The following MYO9A variants were observed in gnomAD, a reference collection of about 807,000 sequenced individuals.
MYO9A encodes unconventional myosin-IXa.
In MYO9A, 103 loss-of-function variants were observed where a neutral mutation model predicts 293.3. That is an observed-to-expected ratio of 0.35 (90% CI 0.30 to 0.41). The LOEUF (loss-of-function observed/expected upper bound fraction) is 0.41. Ranked by LOEUF, MYO9A falls within the 10% of genes least tolerant of loss-of-function variation. The pLI is 1.00. For synonymous variants in MYO9A, 1,001 were observed against 1,035.7 expected, an observed-to-expected ratio of 0.97 and a Z score of 0.64; for missense variants, 2,685 against 3,033.0, an observed-to-expected ratio of 0.89 and a Z score of 2.69.
At chr15:71,860,617 T>A (rs553295673) in intron 33 of MYO9A, among the ~76,000 whole-genome samples, 7 of 152,216 alleles carry the variant, frequency 4.6e-5, no homozygotes, top group Middle Eastern at 3.4e-3. Flanking sequence ...GCCATGTCAT[T>A]GTACTGGTGA....
At chr15:71,935,289 C>G in intron 17 of MYO9A, 52 bp downstream of exon 17, 1 of 1,499,696 alleles carries the variant, frequency 6.7e-7, no homozygotes, top group Non-Finnish European at 9.0e-7. Flanking sequence ...AATTTTAAAC[C>G]AGACAAAAAA....
At chr15:71,924,739 G>A (rs543337819) in intron 18 of MYO9A, among the ~76,000 whole-genome samples, 6 of 152,062 alleles carry the variant, frequency 3.9e-5, no homozygotes, top group African/African-American at 1.2e-4. Flanking sequence ...TGACCAACAT[G>A]GTGAAACCCC....
intron 19 of MYO9A, among the ~76,000 whole-genome samples, chr15:71,912,135 C>T (rs550097811): frequency 1.3e-5 from 2 of 152,200 alleles, no homozygotes; most frequent in Admixed American, 6.5e-5. Context: ...AGCTTAACAA[C>T]ACTATATTTC....
chr15:71,942,992 C>G (rs2058818195), intron 15 of MYO9A, among the ~76,000 whole-genome samples: 1 of 151,940 alleles, frequency 6.6e-6, no homozygotes, highest in African/African-American at 2.4e-5. Context: ...TTCATATTTG[C>G]CTGGTACATC....
intron 10 of MYO9A, 117 bp downstream of exon 10, chr15:71,994,352 A>G: frequency 1.7e-6 from 1 of 574,452 alleles, no homozygotes. Context: ...AATAACAAAT[A>G]AAAGCGATTT....
intron 37 of MYO9A, 34 bp downstream of exon 37, chr15:71,851,219 T>C: frequency 6.8e-7 from 1 of 1,462,834 alleles, no homozygotes. Context: ...CAAGAGAAAC[T>C]ATTAAAAATC....
chr15:71,928,044 ATATATATATATATTTTTTTTTTTTTTTTT>A lies in MYO9A; in HGVS notation c.2562+5597_2562+5625del, dbSNP rs2058366029. On this transcript the variant is annotated intron_variant, in intron 18 of 41. Transcript: ENST00000356056. ...ACCTTTCTAATATATATATATATAT[ATATATATATATATTTTTTTTTTTTTTTTT>A]TTTTTTTTTTTTTTTGAGGCGGAGT... 2.1e-4 allele frequency among the ~76,000 whole-genome samples: 2 copies of A among 9,332 alleles called. 1 individual carries two copies. Among genetic ancestry groups the A allele is most frequent in the South Asian group, 7.4e-3 (2 of 272 alleles). The allele number at this position is 9,332 out of a possible 152,430, so 6.1% of individuals were successfully genotyped here. A position where few individuals can be genotyped will look rare whatever the true frequency, so the allele number is the denominator to read the frequency against.
chr15:71,940,090 T>G (rs1272496243), intron 15 of MYO9A, among the ~76,000 whole-genome samples: 1 of 152,104 alleles, frequency 6.6e-6, no homozygotes, highest in East Asian at 1.9e-4. Flanking sequence ...TGTAAGTGCT[T>G]AGAAGAGTGC....
At chr15:71,925,812 G>A (rs931848657) in intron 18 of MYO9A, among the ~76,000 whole-genome samples, 1 of 152,022 alleles carries the variant, frequency 6.6e-6, no homozygotes, top group African/African-American at 2.4e-5. Flanking sequence ...AAGACTATAT[G>A]CCACCATTAC....
intron 1 of MYO9A, among the ~76,000 whole-genome samples, chr15:72,049,685 G>A (rs1001925642): frequency 6.6e-6 from 1 of 152,234 alleles, no homozygotes; most frequent in Non-Finnish European, 1.5e-5. Context: ...GCACTATTGT[G>A]AACTGCATAT....
intron 1 of MYO9A, among the ~76,000 whole-genome samples, chr15:72,098,738 G>A (rs1028552866): frequency 6.6e-6 from 1 of 152,134 alleles, no homozygotes; most frequent in Admixed American, 6.6e-5. Context: ...CCAGGGGGCT[G>A]AGGCAGGAGG....
chr15:71,951,680 G>T, intron 15 of MYO9A, 97 bp downstream of exon 15: 2 of 1,416,550 alleles, frequency 1.4e-6, no homozygotes, highest in Non-Finnish European at 2.0e-6. Context: ...AGGCCATGTT[G>T]CCCATACAAT....
chr15:71,917,014 G>C (rs2058029591), intron 18 of MYO9A, among the ~76,000 whole-genome samples: 1 of 152,184 alleles, frequency 6.6e-6, no homozygotes, highest in African/African-American at 2.4e-5. Flanking sequence ...AGTATGTACC[G>C]CAAGTAGCAG....
chr15:71,960,203 G>T, intron 13 of MYO9A, 107 bp from the exon 14 acceptor site: 2 of 953,418 alleles, frequency 2.1e-6, no homozygotes, highest in Non-Finnish European at 3.2e-6. Context: ...ACCTCATATT[G>T]AAATGTGATT....
intron 2 of MYO9A, among the ~76,000 whole-genome samples, chr15:72,037,814 T>C (rs2078102546): frequency 1.3e-5 from 2 of 151,714 alleles, no homozygotes; most frequent in South Asian, 4.2e-4. Flanking sequence ...TGCAAAAAAG[T>C]ACAAAAGTAT....
intron 35 of MYO9A, among the ~76,000 whole-genome samples, chr15:71,853,244 A>T (rs1281005119): frequency 6.6e-6 from 1 of 152,246 alleles, no homozygotes; most frequent in Non-Finnish European, 1.5e-5. Context: ...GGTTTACATG[A>T]CAAATGAAAA....
At chr15:71,935,062 A>G (rs2058597908) in intron 17 of MYO9A, 1 of 242,206 alleles carries the variant, frequency 4.1e-6, no homozygotes, top group Non-Finnish European at 7.9e-6. Context: ...GCCTGTCTAA[A>G]CAATAAGACC....
At chr15:71,920,804 G>A (rs1316419145) in intron 18 of MYO9A, among the ~76,000 whole-genome samples, 2 of 152,064 alleles carry the variant, frequency 1.3e-5, no homozygotes, top group African/African-American at 4.8e-5. Context: ...AAAAATAGCC[G>A]GGCATGGTGA....
At chr15:72,110,733 C>T (rs2080751319) in intron 1 of MYO9A, among the ~76,000 whole-genome samples, 1 of 152,074 alleles carries the variant, frequency 6.6e-6, no homozygotes, top group South Asian at 2.1e-4. Context: ...CCCAATGCCA[C>T]AAGAAATATT....
Sources: allele counts gnomAD v4.1 joint callset (sites outside exome capture counted in the v4.1 genomes callset), GRCh38; gene constraint gnomAD v4.1.1; transcripts MANE v1.5; gene names NCBI Gene and HGNC (gene_info 2026-07-23, HGNC 2026-07-21).